DAGLA: variants seen among roughly 807,000 people sequenced by gnomAD.
The protein encoded by DAGLA is diacylglycerol lipase alpha, also known as diacylglycerol lipase-alpha.
Under a neutral mutation model 102.6 loss-of-function variants are expected in DAGLA, and 22 were observed. The observed-to-expected ratio is 0.21, with a 90% CI of 0.15 to 0.31. The LOEUF (loss-of-function observed/expected upper bound fraction) is 0.31. Among genes scored for constraint, DAGLA ranks in the 10% least tolerant of loss-of-function variants. DAGLA has a pLI of 1.00. For missense variants in DAGLA, 927 were observed against 1,446.6 expected (o/e 0.64, Z 5.83); for synonymous variants, 578 against 628.9 (o/e 0.92, Z 1.21).
At chr11:61,693,934 A>C (rs1018029120) in intron 1 of DAGLA, among the ~76,000 whole-genome samples, 4 of 152,254 alleles carry the variant, frequency 2.6e-5, no homozygotes, top group African/African-American at 9.6e-5. Context: ...GGGAGGGGAC[A>C]GCTGAGAGGT....
At chr11:61,737,660 T>C in intron 14 of DAGLA, 27 bp from the exon 15 acceptor site, 1 of 1,609,876 alleles carries the variant, frequency 6.2e-7, no homozygotes, top group Non-Finnish European at 8.5e-7. Flanking sequence ...CCCTTGGCCT[T>C]AGCTTCTGCT....
intron 1 of DAGLA, among the ~76,000 whole-genome samples, chr11:61,707,741 G>A (rs1280844014): frequency 2.0e-5 from 3 of 152,240 alleles, no homozygotes; most frequent in Non-Finnish European, 4.4e-5. Context: ...CTGGAGAGGA[G>A]GAAATGCCTG....
intron 5 of DAGLA, among the ~76,000 whole-genome samples, chr11:61,723,971 T>C (rs926156702): frequency 6.6e-6 from 1 of 152,098 alleles, no homozygotes; most frequent in Non-Finnish European, 1.5e-5. Context: ...TTCCCCATAA[T>C]ATGGGTGGAG....
intron 15 of DAGLA, 77 bp from the exon 16 acceptor site, chr11:61,738,058 C>G (rs2065440595): frequency 4.2e-6 from 5 of 1,185,584 alleles, no homozygotes. Context: ...GTGTGCCTGC[C>G]CCTCCGCCCC....
At chr11:61,710,615 T>C (rs1464379085) in intron 1 of DAGLA, among the ~76,000 whole-genome samples, 1 of 152,020 alleles carries the variant, frequency 6.6e-6, no homozygotes, top group East Asian at 1.9e-4. Flanking sequence ...TCCTAGGAGT[T>C]GGAGCTCTCC....
intron 19 of DAGLA, among the ~76,000 whole-genome samples, chr11:61,743,005 C>G (rs968292656): frequency 9.2e-5 from 14 of 152,232 alleles, no homozygotes; most frequent in African/African-American, 3.4e-4. Context: ...TCAGGGACCC[C>G]GCGGCTCAAC....
chr11:61,723,007 C>T (rs368496501), intron 4 of DAGLA, 47 bp downstream of exon 4: 17 of 1,446,670 alleles, frequency 1.2e-5, no homozygotes, highest in Non-Finnish European at 1.7e-5. Flanking sequence ...CCCGGGGGCA[C>T]AGGGGACGAG....
In DAGLA at chr11:61,720,365, C is replaced by T. The variant is rs1161300373; in HGVS notation, c.95+115C>T. On this transcript the variant is annotated intron_variant, in intron 2 of 19. Coordinates refer to ENST00000257215, the MANE Select transcript of DAGLA (RefSeq NM_006133.3). ...GCCCAAGTCCCAACCCTGTCATGCCCCCAGCTGCCCGGAGGAGGTGCCTGA... is the reference window on the plus strand; with the variant it reads ...GCCCAAGTCCCAACCCTGTCATGCCTCCAGCTGCCCGGAGGAGGTGCCTGA... The T allele has an allele frequency of 3.9e-6, 4 of 1,026,804 alleles. No homozygotes were observed. In the Admixed American group the frequency reaches 5.9e-5, roughly 15 times the overall value. 63.6% of individuals were successfully genotyped at this position (1,026,804 alleles called of 1,614,324 possible). A position where few individuals can be genotyped will look rare whatever the true frequency, so the allele number is the denominator to read the frequency against.
intron 1 of DAGLA, among the ~76,000 whole-genome samples, chr11:61,681,916 G>C (rs907741582): frequency 1.3e-5 from 2 of 152,234 alleles, no homozygotes; most frequent in Non-Finnish European, 2.9e-5. Context: ...AAGTCTTACA[G>C]TGTAGGGGAA....
intron 12 of DAGLA, 26 bp downstream of exon 12, chr11:61,735,842 C>A (rs772635904): frequency 3.8e-6 from 6 of 1,583,866 alleles, no homozygotes; most frequent in African/African-American, 2.7e-5. Flanking sequence ...GACCCCAGGG[C>A]CCCTGGGCTT....
Position 61,734,205 on chromosome 11 carries a change from G to C in DAGLA, c.975-644G>C, listed in dbSNP as rs894243989. 1.3e-5 allele frequency among the ~76,000 whole-genome samples: 2 copies of C among 152,028 alleles called. No individual in the cohort carries two copies. The highest frequency in any genetic ancestry group is 6.5e-5 in the Admixed American group (1 of 15,276). ...GAGGTGAGGGAGTGCCTGGAGTCCAGCTCTGAGTCTGAAGGGAAGCCGAGT... is the reference window on the plus strand; with the variant it reads ...GAGGTGAGGGAGTGCCTGGAGTCCACCTCTGAGTCTGAAGGGAAGCCGAGT... On this transcript the variant is annotated intron_variant, in intron 9 of 19. Coordinates refer to ENST00000257215, the MANE Select transcript of DAGLA (RefSeq NM_006133.3). The surrounding 1 kb of genome is among the most constrained non-coding windows in gnomAD (Gnocchi z 4.2).
chr11:61,703,596 C>T (rs1024287257), intron 1 of DAGLA, among the ~76,000 whole-genome samples: 5 of 152,110 alleles, frequency 3.3e-5, no homozygotes, highest in African/African-American at 1.2e-4. Context: ...GGCAGGCCAA[C>T]GTAAGAGGGA....
At position 61,728,233 on chromosome 11, in the gene DAGLA, C is replaced by T. The variant is rs767116729; in HGVS notation, c.717C>T (p.Gly239=). 1 of 1,614,048 alleles carries T rather than the reference C, an allele frequency of 6.2e-7. No homozygotes were observed. Among genetic ancestry groups the T allele is most frequent in the East Asian group, 2.2e-5 (1 of 44,890 alleles). ...LDIVPSDIIA[G]LVLLRQRQRA... ...TTGTGCCATCCGACATCATTGCTGG[C>T]CTGGTGCTGCTCCGGCAGCGGCAGC... is the stretch of plus-strand genomic sequence containing the variant. Residue 239 remains glycine, a synonymous_variant, in exon 7 of 20, where the codon GGC becomes GGT. Coordinates refer to ENST00000257215, the MANE Select transcript of DAGLA (RefSeq NM_006133.3).
chr11:61,720,601 G>T (rs2065273413), intron 2 of DAGLA, 78 bp from the exon 3 acceptor site: 2 of 1,373,850 alleles, frequency 1.5e-6, no homozygotes, highest in Non-Finnish European at 1.0e-6. Context: ...ATCTGGGCTG[G>T]GGAAGGGCCT....
chr11:61,700,371 C>T (rs1021637742), intron 1 of DAGLA, among the ~76,000 whole-genome samples: 1 of 147,808 alleles, frequency 6.8e-6, no homozygotes, highest in Non-Finnish European at 1.5e-5. Flanking sequence ...CCCTGACCTT[C>T]TCTTCACCCT....
chr11:61,688,135 T>A (rs1167520575), intron 1 of DAGLA, among the ~76,000 whole-genome samples: 1 of 151,772 alleles, frequency 6.6e-6, no homozygotes, highest in Non-Finnish European at 1.5e-5. Context: ...GCTAACATGG[T>A]GAAACCCCGT....
chr11:61,685,242 A>G (rs2064978266), intron 1 of DAGLA, among the ~76,000 whole-genome samples: 2 of 152,208 alleles, frequency 1.3e-5, no homozygotes, highest in Admixed American at 1.3e-4. Flanking sequence ...CCGAATGGCA[A>G]GAATTCTCCC....
chr11:61,730,230 T>A (rs1343752544), intron 8 of DAGLA, among the ~76,000 whole-genome samples: 6 of 151,942 alleles, frequency 3.9e-5, no homozygotes, highest in Non-Finnish European at 2.9e-5. Context: ...GCCCTGGCTG[T>A]TCTCACCACC....
chr11:61,682,929 C>T (rs2064956581), intron 1 of DAGLA, among the ~76,000 whole-genome samples: 1 of 152,092 alleles, frequency 6.6e-6, no homozygotes, highest in Non-Finnish European at 1.5e-5. Flanking sequence ...TGAGGGCAGA[C>T]AGGTGTGGCA....
Sources: allele counts gnomAD v4.1 joint callset (sites outside exome capture counted in the v4.1 genomes callset), GRCh38; gene constraint gnomAD v4.1.1; non-coding constraint Gnocchi (gnomAD v3.1); transcripts MANE v1.5; gene names NCBI Gene and HGNC (gene_info 2026-07-23, HGNC 2026-07-21).